Variants in STPG2 observed in about 807,000 individuals in gnomAD.
STPG2 encodes sperm-tail PG-rich repeat-containing protein 2.
Under a neutral mutation model 54.2 loss-of-function variants are expected in STPG2, and 56 were observed. The ratio of observed to expected loss-of-function variants is 1.03; its 90% CI spans 0.83 to 1.29. The LOEUF is 1.29. Among genes scored for constraint, STPG2 ranks in the 50% most tolerant of loss-of-function variants. The probability of loss-of-function intolerance (pLI) is 0.00; values close to 1 mark genes in which losing one functional copy is unlikely to be tolerated. For missense variants in STPG2, 596 were observed against 544.9 expected (o/e 1.09, Z -0.93); for synonymous variants, 200 against 181.8 (o/e 1.10, Z -0.81).
At chr4:97,801,491 CT>C (rs1256001128) in intron 9 of STPG2, among the ~76,000 whole-genome samples, 4 of 151,990 alleles carry the variant, frequency 2.6e-5, no homozygotes, top group African/African-American at 9.7e-5. Context: ...ATTTGAAGAA[CT>C]TGCACAACGA....
At chr4:97,856,105 C>T (rs962858878) in intron 8 of STPG2, among the ~76,000 whole-genome samples, 1 of 152,114 alleles carries the variant, frequency 6.6e-6, no homozygotes, top group Non-Finnish European at 1.5e-5. Flanking sequence ...TAGCATGATG[C>T]CTCCAGCTAT....
intron 5 of STPG2, among the ~76,000 whole-genome samples, chr4:98,022,832 C>G (rs1471822898): frequency 2.6e-5 from 4 of 152,176 alleles, no homozygotes; most frequent in Non-Finnish European, 5.9e-5. Context: ...CTTCTGCATT[C>G]TTCACGTAGT....
At chr4:98,018,308 A>G (rs1484107856) in intron 5 of STPG2, among the ~76,000 whole-genome samples, 1 of 151,918 alleles carries the variant, frequency 6.6e-6, no homozygotes, top group Non-Finnish European at 1.5e-5. Context: ...GAGAATGATG[A>G]TTTCCAGTTT....
intron 9 of STPG2, among the ~76,000 whole-genome samples, chr4:97,746,030 A>T (rs1467353549): frequency 1.3e-5 from 2 of 151,220 alleles, no homozygotes; most frequent in African/African-American, 4.8e-5. Context: ...ATGTTTCAAT[A>T]GCTGATTTCT....
In STPG2 at chr4:97,837,376, T is replaced by C. The variant is rs1728665415; in HGVS notation, c.1204+3397A>G. 3.3e-5 allele frequency among the ~76,000 whole-genome samples: 5 copies of C among 151,750 alleles called. No individual in the cohort carries two copies. In the South Asian group the frequency reaches 8.3e-4, roughly 25 times the overall value. ...CCACACTCTCAACAATGTTTATATC[T>C]ATTTTCTTTTTAAATTTGTTGAGCA... is the stretch of plus-strand genomic sequence containing the variant. On this transcript the variant is annotated intron_variant, in intron 9 of 10. Transcript: ENST00000295268.
chr4:98,030,647 C>T (rs1161587640), intron 5 of STPG2, among the ~76,000 whole-genome samples: 2 of 152,090 alleles, frequency 1.3e-5, no homozygotes, highest in African/African-American at 4.8e-5. Flanking sequence ...TCCAGGCCTA[C>T]AGTAACCAAA....
chr4:98,125,422 C>A (rs1739801418), intron 3 of STPG2, among the ~76,000 whole-genome samples: 1 of 152,146 alleles, frequency 6.6e-6, no homozygotes, highest in South Asian at 2.1e-4. Context: ...ACATCAGGGC[C>A]CTCCTCTGTA....
chr4:97,492,227 T>C (rs931109129), intron 4 of STPG2, among the ~76,000 whole-genome samples: 1 of 151,514 alleles, frequency 6.6e-6, no homozygotes, highest in Non-Finnish European at 1.5e-5. Flanking sequence ...TTGTCTTCTA[T>C]TAGAACACCG....
chr4:97,885,671 C>A (rs1191073535), intron 8 of STPG2, among the ~76,000 whole-genome samples: 1 of 152,088 alleles, frequency 6.6e-6, no homozygotes, highest in Admixed American at 6.6e-5. Flanking sequence ...ATTGAAAATA[C>A]TATTCATGGA....
rs1166820709 is a variant in STPG2 at position 98,100,662 on chromosome 4, CTTTTTTTTT to C, written c.612+5282_612+5290del. Among the ~76,000 whole-genome samples, 12 of 116,800 alleles carry C rather than the reference CTTTTTTTTT, an allele frequency of 1.0e-4. No homozygotes were observed. The East Asian group carries it at 2.2e-3, about 22-fold the overall frequency. The allele number at this position is 116,800 out of a possible 152,430, so 76.6% of individuals were successfully genotyped here. On this transcript the variant is annotated intron_variant, in intron 5 of 10. Coordinates refer to ENST00000295268, the MANE Select transcript of STPG2 (RefSeq NM_174952.3). ...CCCAAGTCATATCTTCTTTTTCTTT[CTTTTTTTTT>C]TTTTTTTTTTTTTTTTGTTTTTGAG...
At chr4:97,462,955 A>T (rs766745657) in intron 4 of STPG2, among the ~76,000 whole-genome samples, 1 of 152,074 alleles carries the variant, frequency 6.6e-6, no homozygotes, top group Non-Finnish European at 1.5e-5. Flanking sequence ...TGATTTTTAA[A>T]AATTTCTTTA....
intron 3 of STPG2, among the ~76,000 whole-genome samples, chr4:98,126,537 C>A (rs1434446969): frequency 1.3e-5 from 2 of 152,232 alleles, no homozygotes; most frequent in Non-Finnish European, 2.9e-5. Context: ...GGGCCATCAT[C>A]ACCCCACTCT....
At chr4:97,803,521 C>T (rs1215134584) in intron 9 of STPG2, among the ~76,000 whole-genome samples, 3 of 152,076 alleles carry the variant, frequency 2.0e-5, no homozygotes, top group Admixed American at 6.5e-5. Flanking sequence ...ATGGCTTTGC[C>T]ATCTTCTACA....
intron 4 of STPG2, among the ~76,000 whole-genome samples, chr4:97,450,171 A>G (rs765284057): frequency 6.6e-6 from 1 of 152,154 alleles, no homozygotes; most frequent in Non-Finnish European, 1.5e-5. Flanking sequence ...AATAAAAAAT[A>G]AAAAATCAAC....
intron 5 of STPG2, among the ~76,000 whole-genome samples, chr4:98,006,833 CG>C (rs2149279400): frequency 6.6e-6 from 1 of 152,264 alleles, no homozygotes; most frequent in East Asian, 1.9e-4. Context: ...CAATCAGTTC[CG>C]AAGTGTGAGA....
At chr4:97,519,783 T>C (rs1317088065) in intron 4 of STPG2, among the ~76,000 whole-genome samples, 1 of 149,664 alleles carries the variant, frequency 6.7e-6, no homozygotes, top group East Asian at 2.0e-4. Flanking sequence ...TGAGGGAAGA[T>C]TAAAAGGGGA....
intron 8 of STPG2, among the ~76,000 whole-genome samples, chr4:97,942,494 T>A (rs867036058): frequency 8.2e-6 from 1 of 122,692 alleles, no homozygotes; most frequent in Non-Finnish European, 1.8e-5. Context: ...TTTTAAACTG[T>A]CTTTTGAATT....
intron 4 of STPG2, among the ~76,000 whole-genome samples, chr4:97,522,055 C>T (rs1346737191): frequency 1.4e-5 from 2 of 146,606 alleles, no homozygotes; most frequent in African/African-American, 2.5e-5. Context: ...CTGAATTTTG[C>T]TATTTCCTAT....
intron 2 of STPG2, among the ~76,000 whole-genome samples, chr4:98,132,482 T>C (rs1560693893): frequency 6.6e-6 from 1 of 152,028 alleles, no homozygotes; most frequent in South Asian, 2.1e-4. Context: ...TACTTTTCTG[T>C]TCATGATATC....
Sources: allele counts gnomAD v4.1 joint callset (sites outside exome capture counted in the v4.1 genomes callset), GRCh38; gene constraint gnomAD v4.1.1; transcripts MANE v1.5; gene names NCBI Gene and HGNC (gene_info 2026-07-23, HGNC 2026-07-21).